The following ZC3H12B variants were observed in gnomAD, a reference collection of about 807,000 sequenced individuals.
ZC3H12B encodes probable ribonuclease ZC3H12B.
A neutral mutation model predicts 43.9 loss-of-function variants in ZC3H12B; 7 were observed. The ratio of observed to expected loss-of-function variants is 0.16; its 90% CI spans 0.09 to 0.30. The LOEUF (loss-of-function observed/expected upper bound fraction) is 0.30. Among genes scored for constraint, ZC3H12B ranks in the 10% least tolerant of loss-of-function variants. The pLI is 1.00. For missense variants in ZC3H12B, 475 were observed against 670.2 expected, an observed-to-expected ratio of 0.71 and a Z score of 3.22; for synonymous variants, 222 against 241.7, an observed-to-expected ratio of 0.92 and a Z score of 0.76.
the ZC3H12B span, among the ~76,000 whole-genome samples, chrX:65,315,705 G>A: frequency 8.9e-6 from 1 of 111,990 alleles, no homozygotes; most frequent in Non-Finnish European, 1.9e-5. Context: ...GGAACATCAG[G>A]CCACACAGAT....
chrX:65,464,667 T>C (rs1241138540), intron 3 of ZC3H12B, among the ~76,000 whole-genome samples: 2 of 111,131 alleles, frequency 1.8e-5, no homozygotes, highest in African/African-American at 6.5e-5. Flanking sequence ...TTTCTTTTGT[T>C]GTGATTTTGT....
intron 2 of ZC3H12B, among the ~76,000 whole-genome samples, chrX:65,382,303 C>T (rs2066454141): frequency 9.1e-6 from 1 of 109,517 alleles, no homozygotes; most frequent in African/African-American, 3.3e-5. Context: ...TCAATATACG[C>T]AAATCAATAA....
At chrX:65,288,477 C>T in the ZC3H12B span, among the ~76,000 whole-genome samples, 109 of 112,310 alleles carry the variant, frequency 9.7e-4, no homozygotes, top group Non-Finnish European at 1.6e-3. Context: ...TGGATTTATG[C>T]AAGGGATGCA....
chrX:65,039,255 C>T, the ZC3H12B span, among the ~76,000 whole-genome samples: 1 of 111,660 alleles, frequency 9.0e-6, no homozygotes, highest in Non-Finnish European at 1.9e-5. Flanking sequence ...TGTAGTCTGA[C>T]TCATTCGTAT....
chrX:65,073,364 A>T, the ZC3H12B span, among the ~76,000 whole-genome samples: 2 of 111,858 alleles, frequency 1.8e-5, no homozygotes, highest in Non-Finnish European at 3.8e-5. Flanking sequence ...ACTCTGCTGG[A>T]ACTCTTTTCT....
chrX:65,121,458 C>G, the ZC3H12B span, among the ~76,000 whole-genome samples: 1 of 111,815 alleles, frequency 8.9e-6, no homozygotes, highest in Non-Finnish European at 1.9e-5. Context: ...ATAGTATTCT[C>G]TGATGGTAGT....
the ZC3H12B span, among the ~76,000 whole-genome samples, chrX:65,353,243 G>A: frequency 5.8e-4 from 65 of 111,418 alleles, no homozygotes; most frequent in African/African-American, 1.7e-3. Context: ...TAATAAATGT[G>A]TGTGTTCTGA....
chrX:65,244,908 C>T, the ZC3H12B span, among the ~76,000 whole-genome samples: 86 of 110,526 alleles, frequency 7.8e-4, no homozygotes, highest in African/African-American at 2.0e-3. Flanking sequence ...ATACCTGATA[C>T]GGTTACAAAG....
the ZC3H12B span, among the ~76,000 whole-genome samples, chrX:65,072,958 C>A: frequency 8.9e-6 from 1 of 112,486 alleles, no homozygotes; most frequent in Non-Finnish European, 1.9e-5. Flanking sequence ...GTGTGTGCCC[C>A]CTTTGCACAT....
chrX:65,369,524 C>T (rs899595974), intron 2 of ZC3H12B, among the ~76,000 whole-genome samples: 3 of 111,615 alleles, frequency 2.7e-5, no homozygotes, highest in African/African-American at 9.8e-5. Context: ...TCATTTCATG[C>T]TTTTCTTATG....
the ZC3H12B span, among the ~76,000 whole-genome samples, chrX:65,219,910 T>C: frequency 9.1e-6 from 1 of 109,717 alleles, no homozygotes; most frequent in Non-Finnish European, 1.9e-5. Context: ...GTCATCAGCT[T>C]ATCTAAATTC....
At chrX:65,064,944 A>T in the ZC3H12B span, among the ~76,000 whole-genome samples, 9 of 110,440 alleles carry the variant, frequency 8.1e-5, no homozygotes, top group Non-Finnish European at 1.7e-4. Flanking sequence ...AGTCTGTTTT[A>T]CATAGACTAG....
the ZC3H12B span, among the ~76,000 whole-genome samples, chrX:65,118,703 A>G: frequency 5.4e-4 from 59 of 109,289 alleles, no homozygotes; most frequent in Non-Finnish European, 9.9e-4. Flanking sequence ...CACAACCTGC[A>G]GGTTTGTTAC....
the ZC3H12B span, among the ~76,000 whole-genome samples, chrX:65,132,280 G>A: frequency 1.8e-5 from 2 of 111,645 alleles, no homozygotes; most frequent in Non-Finnish European, 3.8e-5. Flanking sequence ...TCCGGTTTTT[G>A]AACAGGTAAA....
At chrX:65,462,218 A>T (rs1011170180) in intron 3 of ZC3H12B, among the ~76,000 whole-genome samples, 1 of 111,074 alleles carries the variant, frequency 9.0e-6, no homozygotes, top group Non-Finnish European at 1.9e-5. Flanking sequence ...CCTCATTTTT[A>T]AAAACTTCAA....
the ZC3H12B span, among the ~76,000 whole-genome samples, chrX:65,104,374 C>T: frequency 8.9e-6 from 1 of 111,993 alleles, no homozygotes; most frequent in Admixed American, 9.5e-5. Context: ...ATGACTAAAA[C>T]ACCAAAAGCA....
chrX:65,318,880 G>C, the ZC3H12B span, among the ~76,000 whole-genome samples: 3 of 111,113 alleles, frequency 2.7e-5, no homozygotes, highest in Non-Finnish European at 5.7e-5. Flanking sequence ...CAACTAATTA[G>C]AACAAAAATA....
upstream of ZC3H12B, chrX:65,488,693 A>T: frequency 3.1e-6 from 3 of 982,658 alleles, no homozygotes; most frequent in Non-Finnish European, 4.0e-6. Context: ...AAACTCTTGC[A>T]CCATCGCTAC....
intron 2 of ZC3H12B, among the ~76,000 whole-genome samples, chrX:65,388,928 A>C (rs767813787): frequency 3.3e-4 from 37 of 111,921 alleles, no homozygotes; most frequent in Non-Finnish European, 5.8e-4. Context: ...CCTGGGTATC[A>C]GCAGTGGAGG....
Sources: gnomAD v4.1 joint callset for allele counts (sites outside exome capture counted in the v4.1 genomes callset) on GRCh38, gnomAD v4.1.1 for gene constraint, MANE v1.5 for transcripts, NCBI Gene and HGNC (gene_info 2026-07-23, HGNC 2026-07-21) for gene names.